Variants in MECOM observed in about 807,000 individuals in gnomAD.
MECOM encodes the protein histone-lysine N-methyltransferase MECOM.
MECOM carries 13 observed loss-of-function variants against 116.3 expected under a neutral mutation model. The ratio of observed to expected loss-of-function variants is 0.11; its 90% CI spans 0.07 to 0.18. MECOM has a LOEUF of 0.18. Among genes scored for constraint, MECOM ranks in the 10% least tolerant of loss-of-function variants. MECOM has a pLI of 1.00. For synonymous variants in MECOM, 528 were observed against 535.2 expected, an observed-to-expected ratio of 0.99 and a Z score of 0.19; for missense variants, 1,299 against 1,509.0, an observed-to-expected ratio of 0.86 and a Z score of 2.31.
chr3:169,310,116 T>A (rs1038231682), intron 2 of MECOM, among the ~76,000 whole-genome samples: 2 of 152,246 alleles, frequency 1.3e-5, no homozygotes, highest in African/African-American at 4.8e-5. Flanking sequence ...CACAATTCCC[T>A]TGAGCCATTT....
intron 1 of MECOM, among the ~76,000 whole-genome samples, chr3:169,467,417 A>G (rs1748475366): frequency 6.6e-6 from 1 of 152,182 alleles, no homozygotes; most frequent in African/African-American, 2.4e-5. Flanking sequence ...CAAGACTGCA[A>G]GTGAGGAAAG....
intron 5 of MECOM, among the ~76,000 whole-genome samples, chr3:169,126,265 T>C (rs1396440177): frequency 1.3e-5 from 2 of 152,116 alleles, no homozygotes; most frequent in East Asian, 3.9e-4. Context: ...AGTATTGCTG[T>C]ACACTCTTAG....
chr3:169,399,767 T>C (rs1017289014), intron 1 of MECOM, among the ~76,000 whole-genome samples: 3 of 152,190 alleles, frequency 2.0e-5, no homozygotes, highest in Non-Finnish European at 4.4e-5. Flanking sequence ...GCTTTTTTGT[T>C]TTGGACTTGA....
chr3:169,307,034 C>G (rs1034930687), intron 2 of MECOM, among the ~76,000 whole-genome samples: 11 of 152,200 alleles, frequency 7.2e-5, no homozygotes, highest in African/African-American at 2.7e-4. Context: ...GCCAAGTTTA[C>G]CATTTGTAAA....
intron 2 of MECOM, among the ~76,000 whole-genome samples, chr3:169,319,559 T>TAA (rs59419055): frequency 0.07 from 10,581 of 150,420 alleles, 396 homozygotes; most frequent in East Asian, 0.16. Context: ...TAAAGTATAA[T>TAA]AAAAAAAAAA....
chr3:169,496,224 G>A (rs1205844066), intron 1 of MECOM, among the ~76,000 whole-genome samples: 1 of 152,222 alleles, frequency 6.6e-6, no homozygotes, highest in Non-Finnish European at 1.5e-5. Context: ...CTGGAATTCA[G>A]TGGCTAGCCA....
intron 1 of MECOM, among the ~76,000 whole-genome samples, chr3:169,502,802 T>C (rs752870323): frequency 5.0e-4 from 76 of 152,266 alleles, no homozygotes; most frequent in South Asian, 2.1e-3. Flanking sequence ...ATAGAACTTT[T>C]AGAAAAATGC....
At chr3:169,202,111 C>T (rs1194783286) in intron 2 of MECOM, among the ~76,000 whole-genome samples, 1 of 152,072 alleles carries the variant, frequency 6.6e-6, no homozygotes, top group East Asian at 1.9e-4. Context: ...CTGTTAATTA[C>T]CCTGCTGCCT....
intron 2 of MECOM, among the ~76,000 whole-genome samples, chr3:169,266,215 A>G (rs1459273061): frequency 6.6e-6 from 1 of 152,250 alleles, no homozygotes; most frequent in Non-Finnish European, 1.5e-5. Flanking sequence ...AGGCAGCATC[A>G]TAAATCTCAT....
intron 1 of MECOM, among the ~76,000 whole-genome samples, chr3:169,450,602 A>G (rs1745399473): frequency 6.6e-6 from 1 of 152,140 alleles, no homozygotes; most frequent in Non-Finnish European, 1.5e-5. Context: ...AAATGATGAC[A>G]AAAAAGAGGC....
intron 9 of MECOM, among the ~76,000 whole-genome samples, chr3:169,109,401 G>A (rs1241643410): frequency 6.7e-6 from 1 of 149,012 alleles, no homozygotes; most frequent in Non-Finnish European, 1.5e-5. Flanking sequence ...TAATTTTGAT[G>A]TATGCATTCA....
At chr3:169,584,564 C>CAA (rs11323716) in intron 1 of MECOM, among the ~76,000 whole-genome samples, 10 of 108,394 alleles carry the variant, frequency 9.2e-5, no homozygotes, top group African/African-American at 2.8e-4. Flanking sequence ...AACTCCACCT[C>CAA]AAAAAAAAAA....
At chr3:169,479,615 G>A (rs1750982022) in intron 1 of MECOM, among the ~76,000 whole-genome samples, 1 of 147,620 alleles carries the variant, frequency 6.8e-6, no homozygotes, top group Admixed American at 6.8e-5. Flanking sequence ...AGATATGGAG[G>A]TGAATGAAAC....
At chr3:169,196,278 A>G (rs948309009) in intron 2 of MECOM, among the ~76,000 whole-genome samples, 2 of 152,036 alleles carry the variant, frequency 1.3e-5, no homozygotes, top group African/African-American at 4.8e-5. Context: ...ATTCTCAGCT[A>G]TCATATGTCC....
intron 2 of MECOM, among the ~76,000 whole-genome samples, chr3:169,291,974 G>T (rs959217005): frequency 3.9e-5 from 6 of 152,138 alleles, no homozygotes; most frequent in Non-Finnish European, 7.4e-5. Flanking sequence ...AAAATTTATT[G>T]TCTACCATTT....
chr3:169,182,558 G>T (rs886383767), intron 2 of MECOM, among the ~76,000 whole-genome samples: 2 of 152,210 alleles, frequency 1.3e-5, no homozygotes, highest in African/African-American at 4.8e-5. Flanking sequence ...CACAAGTGTA[G>T]AGAAATTCCC....
intron 2 of MECOM, among the ~76,000 whole-genome samples, chr3:169,360,681 AG>A (rs1174298088): frequency 6.6e-6 from 1 of 151,736 alleles, no homozygotes; most frequent in African/African-American, 2.4e-5. Context: ...AGAAGAGCCC[AG>A]GGGGGAAAAA....
intron 1 of MECOM, among the ~76,000 whole-genome samples, chr3:169,647,429 G>A (rs755361881): frequency 6.6e-6 from 1 of 152,210 alleles, no homozygotes; most frequent in Non-Finnish European, 1.5e-5. Context: ...GCACAGAGAA[G>A]TAAATAGCTG....
At position 169,189,128 on chromosome 3, in the gene MECOM, A is replaced by G. The variant is rs553201644; in HGVS notation, c.376-45296T>C. Reference sequence around the variant, plus strand: ...TTTAGTACTTCAGAGCAATGAATCCATAACTTTGAGAGAAATTGCCTTATA... The same window carrying G: ...TTTAGTACTTCAGAGCAATGAATCCGTAACTTTGAGAGAAATTGCCTTATA... On this transcript the variant is annotated intron_variant, in intron 2 of 16. Coordinates refer to ENST00000651503, the MANE Select transcript of MECOM (RefSeq NM_004991.4). Among the ~76,000 whole-genome samples the G allele has an allele frequency of 6.6e-5, 10 of 152,242 alleles. No individual in the cohort carries two copies. In the South Asian group the frequency reaches 1.9e-3, roughly 28 times the overall value.
Sources: allele counts gnomAD v4.1 joint callset (sites outside exome capture counted in the v4.1 genomes callset), GRCh38; gene constraint gnomAD v4.1.1; transcripts MANE v1.5; gene names NCBI Gene and HGNC (gene_info 2026-07-23, HGNC 2026-07-21).